Variants in NPAS3 observed in about 807,000 individuals in gnomAD.
The protein encoded by NPAS3 is neuronal PAS domain protein 3, also known as neuronal PAS domain-containing protein 3.
In NPAS3, 14 loss-of-function variants were observed where a neutral mutation model predicts 73.1. The ratio of observed to expected loss-of-function variants is 0.19; its 90% CI spans 0.13 to 0.30. The LOEUF is 0.30. Among genes scored for constraint, NPAS3 ranks in the 10% least tolerant of loss-of-function variants. NPAS3 has a pLI of 1.00. For synonymous variants in NPAS3, 620 were observed against 541.5 expected, an observed-to-expected ratio of 1.14 and a Z score of -2.01; for missense variants, 1,096 against 1,250.0, an observed-to-expected ratio of 0.88 and a Z score of 1.86.
At chr14:33,524,045 C>G (rs1006185180) in intron 4 of NPAS3, among the ~76,000 whole-genome samples, 2 of 152,190 alleles carry the variant, frequency 1.3e-5, no homozygotes, top group Admixed American at 1.3e-4. Context: ...AATACCTACT[C>G]TGATTCAGAT....
At chr14:33,369,404 CAAAAAAAAAAAA>C (rs3058296) in intron 4 of NPAS3, among the ~76,000 whole-genome samples, 1 of 90,938 alleles carries the variant, frequency 1.1e-5, no homozygotes, top group Non-Finnish European at 2.2e-5. Context: ...GCCTCATTTC[CAAAAAAAAAAAA>C]AAAAAAAAAA....
At chr14:33,047,676 GC>G (rs2040556696) in intron 1 of NPAS3, among the ~76,000 whole-genome samples, 1 of 152,174 alleles carries the variant, frequency 6.6e-6, no homozygotes, top group Non-Finnish European at 1.5e-5. Context: ...GCTTTCTTAA[GC>G]ATATAGTAAA....
chr14:33,159,307 T>G (rs567385335), intron 2 of NPAS3, among the ~76,000 whole-genome samples: 2 of 152,340 alleles, frequency 1.3e-5, no homozygotes, highest in African/African-American at 4.8e-5. Flanking sequence ...AATTGCTTTG[T>G]GAGCTCTGAA....
chr14:33,408,411 A>G (rs1043793412), intron 4 of NPAS3, among the ~76,000 whole-genome samples: 7 of 152,014 alleles, frequency 4.6e-5, no homozygotes, highest in African/African-American at 1.2e-4. Flanking sequence ...CTCATGCCAT[A>G]CACATGGAAA....
At chr14:33,439,560 G>A (rs1594908993) in intron 4 of NPAS3, among the ~76,000 whole-genome samples, 3 of 152,148 alleles carry the variant, frequency 2.0e-5, no homozygotes, top group African/African-American at 7.2e-5. Flanking sequence ...AAGAATCTGA[G>A]TACTGAAAAA....
intron 1 of NPAS3, among the ~76,000 whole-genome samples, chr14:32,998,272 A>C (rs2383416): frequency 0.99 from 150,908 of 152,342 alleles, 74,757 homozygotes; most frequent in East Asian, 1. Context: ...AGAAGCCAGA[A>C]ACAAAAGGTC....
chr14:33,217,694 T>A (rs1482584091), intron 3 of NPAS3, among the ~76,000 whole-genome samples: 3 of 152,180 alleles, frequency 2.0e-5, no homozygotes, highest in South Asian at 4.1e-4. Context: ...ATTTGTCCAT[T>A]TGTCTGTGAT....
At chr14:33,654,168 A>G (rs2059078378) in intron 5 of NPAS3, among the ~76,000 whole-genome samples, 1 of 132,760 alleles carries the variant, frequency 7.5e-6, no homozygotes, top group African/African-American at 3.0e-5. Flanking sequence ...GGAATCCACA[A>G]TCCTGTGCCA....
At chr14:32,986,501 G>T (rs555596537) in intron 1 of NPAS3, among the ~76,000 whole-genome samples, 15 of 152,276 alleles carry the variant, frequency 9.9e-5, no homozygotes, top group African/African-American at 3.6e-4. Context: ...GGGTTTTTGT[G>T]TGTTGATGTC....
At chr14:33,223,215 G>A (rs2047498320) in intron 3 of NPAS3, among the ~76,000 whole-genome samples, 1 of 152,182 alleles carries the variant, frequency 6.6e-6, no homozygotes, top group Non-Finnish European at 1.5e-5. Flanking sequence ...GGAAGCTGAG[G>A]CAGGAGAATC....
chr14:33,315,335 G>C (rs1321671136), intron 3 of NPAS3, among the ~76,000 whole-genome samples: 1 of 152,044 alleles, frequency 6.6e-6, no homozygotes, highest in Non-Finnish European at 1.5e-5. Context: ...ATATGTATTA[G>C]TTGTAGGTTT....
intron 2 of NPAS3, among the ~76,000 whole-genome samples, chr14:33,177,986 C>A (rs1018152028): frequency 6.6e-6 from 1 of 151,966 alleles, no homozygotes; most frequent in Non-Finnish European, 1.5e-5. Flanking sequence ...TTGGGAGCCC[C>A]TTACACTTCC....
At chr14:33,192,855 C>A (rs980652878) in intron 2 of NPAS3, among the ~76,000 whole-genome samples, 1 of 152,186 alleles carries the variant, frequency 6.6e-6, no homozygotes, top group Admixed American at 6.5e-5. Flanking sequence ...AAAGTTTTAG[C>A]CCATTTGCTA....
intron 3 of NPAS3, among the ~76,000 whole-genome samples, chr14:33,337,469 C>T (rs538703392): frequency 3.3e-4 from 50 of 152,166 alleles, no homozygotes; most frequent in African/African-American, 1.2e-3. Context: ...ATGCCAATAC[C>T]ACTTTGTCTT....
chr14:33,424,472 G>T (rs567649849), intron 4 of NPAS3, among the ~76,000 whole-genome samples: 1 of 151,974 alleles, frequency 6.6e-6, no homozygotes, highest in Non-Finnish European at 1.5e-5. Flanking sequence ...ATGGGGGCAA[G>T]CCTGGAGGTC....
intron 2 of NPAS3, among the ~76,000 whole-genome samples, chr14:33,142,090 T>C (rs891563252): frequency 1.3e-5 from 2 of 152,108 alleles, no homozygotes; most frequent in Admixed American, 1.3e-4. Flanking sequence ...TTTTAATTAA[T>C]TGCTGTGAAC....
chr14:33,012,319 T>C (rs7160606), intron 1 of NPAS3, among the ~76,000 whole-genome samples: 18,867 of 152,230 alleles, frequency 0.12, 1,270 homozygotes, highest in East Asian at 0.23. Context: ...TTAGTTGCTA[T>C]CTACTTCAAA....
intron 6 of NPAS3, among the ~76,000 whole-genome samples, chr14:33,729,122 A>G (rs1012630162): frequency 3.3e-5 from 5 of 152,216 alleles, no homozygotes; most frequent in African/African-American, 1.2e-4. Context: ...TATCTTTCTT[A>G]CAGTCTTGTA....
intron 2 of NPAS3, among the ~76,000 whole-genome samples, chr14:33,095,057 A>G (rs1280185675): frequency 1.3e-5 from 2 of 152,234 alleles, no homozygotes; most frequent in African/African-American, 2.4e-5. Flanking sequence ...CAGTTAACGT[A>G]TACGTTGGGA....
Sources: allele counts gnomAD v4.1 joint callset (sites outside exome capture counted in the v4.1 genomes callset), GRCh38; gene constraint gnomAD v4.1.1; transcripts MANE v1.5; gene names NCBI Gene and HGNC (gene_info 2026-07-23, HGNC 2026-07-21).